The following ZNF804A variants were observed in gnomAD, a reference collection of about 807,000 sequenced individuals.
The protein encoded by ZNF804A is zinc finger protein 804A.
In ZNF804A, 2 loss-of-function variants were observed where a neutral mutation model predicts 16.5. The observed-to-expected ratio is 0.12, with a 90% confidence interval of 0.05 to 0.38. The LOEUF (loss-of-function observed/expected upper bound fraction) is 0.38, where lower values mean the gene tolerates loss of function less well. ZNF804A is among the 10% of genes least tolerant of loss of function. ZNF804A has a pLI of 0.99. For synonymous variants in ZNF804A, 534 were observed against 489.6 expected (o/e 1.09, Z -1.20); for missense variants, 1,473 against 1,390.7 (o/e 1.06, Z -0.94).
At chr2:184,824,535 C>G (rs537819265) in intron 1 of ZNF804A, among the ~76,000 whole-genome samples, 77 of 151,910 alleles carry the variant, frequency 5.1e-4, no homozygotes, top group Middle Eastern at 3.4e-3. Context: ...TTATAACGCT[C>G]TCTTACGTTT....
chr2:184,649,836 A>AC (rs1319970031), intron 1 of ZNF804A, among the ~76,000 whole-genome samples: 6 of 151,558 alleles, frequency 4.0e-5, no homozygotes, highest in Admixed American at 3.9e-4. Context: ...TCAACCAAAA[A>AC]AAAAAAAAAG....
chr2:184,839,901 T>TA (rs534767381), intron 1 of ZNF804A, among the ~76,000 whole-genome samples: 3 of 152,118 alleles, frequency 2.0e-5, no homozygotes, highest in Admixed American at 6.6e-5. Context: ...TATTTGTTTT[T>TA]AAAAAAATAG....
intron 1 of ZNF804A, among the ~76,000 whole-genome samples, chr2:184,806,503 A>G (rs564351840): frequency 6.6e-6 from 1 of 152,060 alleles, no homozygotes; most frequent in East Asian, 1.9e-4. Context: ...CTAATTGATC[A>G]TCACAATCAG....
At chr2:184,765,746 T>C (rs1231700323) in intron 1 of ZNF804A, among the ~76,000 whole-genome samples, 2 of 152,092 alleles carry the variant, frequency 1.3e-5, no homozygotes, top group East Asian at 3.9e-4. Flanking sequence ...TGAAGAGTTT[T>C]GTATACGGCT....
chr2:184,936,970 C>T lies in ZNF804A; in HGVS notation c.1574C>T (p.Pro525Leu). The change falls in exon 4 of 4, where the codon CCT (proline) becomes CTT (leucine). Residue 525 changes from proline to leucine, a missense_variant. Coordinates refer to ENST00000302277, the MANE Select transcript of ZNF804A (RefSeq NM_194250.2). ...AAAAATAAATGCAGCCAAGTCACTC[C>T]TCTTTTGGCTGATGATATTCTCTCC... ...SSKNKCSQVTPLLADDILSSS... is the reference protein window; with the variant it reads ...SSKNKCSQVTLLLADDILSSS... 1 of 1,613,912 alleles carries T rather than the reference C, an allele frequency of 6.2e-7. No homozygotes were observed. Among genetic ancestry groups the T allele is most frequent in the Non-Finnish European group, 8.5e-7 (1 of 1,179,938 alleles).
Position 184,930,448 on chromosome 2 carries a change from C to T in ZNF804A, c.256-3155C>T, listed in dbSNP as rs1308909602. On this transcript the variant is annotated intron_variant, in intron 2 of 3. Transcript: ENST00000302277. Reference sequence around the variant, plus strand: ...CTTATCCTACACAAATATGTCAGTGCAAATGAGCATTCTTGAAATATCTTT... The same window carrying T: ...CTTATCCTACACAAATATGTCAGTGTAAATGAGCATTCTTGAAATATCTTT... Among the ~76,000 whole-genome samples the T allele has an allele frequency of 5.3e-5, 8 of 152,126 alleles. No individual in the cohort carries two copies. In the South Asian group the frequency reaches 1.7e-3, roughly 32 times the overall value.
chr2:184,846,623 A>G (rs1230633119), intron 1 of ZNF804A, among the ~76,000 whole-genome samples: 1 of 152,110 alleles, frequency 6.6e-6, no homozygotes, highest in Admixed American at 6.6e-5. Context: ...GACAGCCCTG[A>G]TTATGCACAG....
At chr2:184,725,625 T>G (rs1225265765) in intron 1 of ZNF804A, among the ~76,000 whole-genome samples, 1 of 151,564 alleles carries the variant, frequency 6.6e-6, no homozygotes, top group Admixed American at 6.6e-5. Context: ...ATAACTGTAG[T>G]ATAATATGAA....
At chr2:184,850,622 A>G (rs1284458436) in intron 1 of ZNF804A, among the ~76,000 whole-genome samples, 4 of 151,616 alleles carry the variant, frequency 2.6e-5, no homozygotes, top group African/African-American at 9.7e-5. Flanking sequence ...TCTCTTAAGA[A>G]CTTATAATGA....
At chr2:184,704,084 T>G (rs1355777598) in intron 1 of ZNF804A, among the ~76,000 whole-genome samples, 1 of 152,116 alleles carries the variant, frequency 6.6e-6, no homozygotes, top group East Asian at 1.9e-4. Context: ...TTATACCTGA[T>G]AAGTGAATCT....
At chr2:184,905,266 G>A (rs1278371149) in intron 2 of ZNF804A, among the ~76,000 whole-genome samples, 4 of 152,022 alleles carry the variant, frequency 2.6e-5, no homozygotes, top group African/African-American at 9.7e-5. Context: ...CTTCTTGTAA[G>A]CTTTCTTTGA....
intron 2 of ZNF804A, among the ~76,000 whole-genome samples, chr2:184,924,244 C>T (rs533710717): frequency 2.0e-5 from 3 of 151,928 alleles, no homozygotes; most frequent in South Asian, 2.1e-4. Context: ...GCTTCCATCT[C>T]GTTACTTGTT....
At chr2:184,762,851 A>AGGG (rs1694060112) in intron 1 of ZNF804A, among the ~76,000 whole-genome samples, 1 of 152,126 alleles carries the variant, frequency 6.6e-6, no homozygotes, top group African/African-American at 2.4e-5. Context: ...TTGCAAATAA[A>AGGG]CATTTAAAAG....
chr2:184,763,348 C>G (rs958257641), intron 1 of ZNF804A, among the ~76,000 whole-genome samples: 1 of 152,114 alleles, frequency 6.6e-6, no homozygotes, highest in South Asian at 2.1e-4. Context: ...GAAAAAGATT[C>G]GTAGACAGCC....
chr2:184,660,817 T>G lies in ZNF804A; in HGVS notation c.111+61747T>G, dbSNP rs1327140456. On this transcript the variant is annotated intron_variant, in intron 1 of 3. Coordinates refer to ENST00000302277, the MANE Select transcript of ZNF804A (RefSeq NM_194250.2). ...AATTATTGAATAAAGTCACAAAGCA[T>G]GGTGCGTTGCACCTAGTGAGTTCTC... Among the ~76,000 whole-genome samples the G allele has an allele frequency of 2.0e-5, 3 of 152,388 alleles. No homozygotes were observed. The East Asian group carries it at 5.8e-4, about 29-fold the overall frequency.
chr2:184,930,212 T>C lies in ZNF804A; in HGVS notation c.256-3391T>C, dbSNP rs528861314. Among the ~76,000 whole-genome samples, 18 of 152,278 alleles carry C rather than the reference T, an allele frequency of 1.2e-4. No homozygotes were observed. The Middle Eastern group carries it at 0.014, about 115-fold the overall frequency. Reference sequence around the variant, plus strand: ...ACCAAGACCCTGTATACCTAAAATTTATGAGCAAAATATTCTTGACCTATT... The same window carrying C: ...ACCAAGACCCTGTATACCTAAAATTCATGAGCAAAATATTCTTGACCTATT... On this transcript the variant is annotated intron_variant, in intron 2 of 3. Coordinates refer to ENST00000302277, the MANE Select transcript of ZNF804A (RefSeq NM_194250.2).
At chr2:184,818,788 C>A (rs1380806240) in intron 1 of ZNF804A, among the ~76,000 whole-genome samples, 1 of 150,976 alleles carries the variant, frequency 6.6e-6, no homozygotes, top group African/African-American at 2.4e-5. Flanking sequence ...AACCAACACA[C>A]ATGGAAAAAA....
At chr2:184,888,760 G>T (rs1684936721) in intron 2 of ZNF804A, among the ~76,000 whole-genome samples, 2 of 152,092 alleles carry the variant, frequency 1.3e-5, no homozygotes, top group East Asian at 1.9e-4. Flanking sequence ...GCATAAAAAA[G>T]AAGAAAAAAT....
At chr2:184,835,871 GA>G (rs1249733737) in intron 1 of ZNF804A, among the ~76,000 whole-genome samples, 1 of 152,062 alleles carries the variant, frequency 6.6e-6, no homozygotes, top group African/African-American at 2.4e-5. Flanking sequence ...AATTAAATTG[GA>G]AAGAGACCTT....
Sources: gnomAD v4.1 joint callset for allele counts (sites outside exome capture counted in the v4.1 genomes callset) on GRCh38, gnomAD v4.1.1 for gene constraint, MANE v1.5 for transcripts, NCBI Gene and HGNC (gene_info 2026-07-23, HGNC 2026-07-21) for gene names.